ATP2B2: variants seen among roughly 807,000 people sequenced by gnomAD.
The protein encoded by ATP2B2 is ATPase plasma membrane Ca2+ transporting 2.
Under a neutral mutation model 120.0 loss-of-function variants are expected in ATP2B2, and 15 were observed. That is an observed-to-expected ratio of 0.12 (90% CI 0.08 to 0.19). The LOEUF is 0.19. Among genes scored for constraint, ATP2B2 ranks in the 10% least tolerant of loss-of-function variants. The pLI is 1.00. For synonymous variants in ATP2B2, 694 were observed against 700.3 expected (o/e 0.99, Z 0.14); for missense variants, 1,045 against 1,719.8 (o/e 0.61, Z 6.94).
At chr3:10,707,180 G>T (rs1425539745) in intron 1 of ATP2B2, among the ~76,000 whole-genome samples, 1 of 152,198 alleles carries the variant, frequency 6.6e-6, no homozygotes, top group Non-Finnish European at 1.5e-5. Context: ...CTTAGGCACT[G>T]GGCTGAAAAA....
chr3:10,376,879 A>G (rs3774167), intron 10 of ATP2B2, among the ~76,000 whole-genome samples: 41,940 of 152,126 alleles, frequency 0.28, 7,332 homozygotes, highest in East Asian at 0.66. Context: ...GGGTTGCTCC[A>G]GAGCTCCCAT....
intron 3 of ATP2B2, among the ~76,000 whole-genome samples, chr3:10,521,338 G>C (rs2066981065): frequency 6.6e-6 from 1 of 152,230 alleles, no homozygotes; most frequent in Non-Finnish European, 1.5e-5. Context: ...ACAGTGAAGA[G>C]TTTGCAGGCT....
chr3:10,687,829 C>T (rs1200739457), intron 1 of ATP2B2, among the ~76,000 whole-genome samples: 5 of 152,212 alleles, frequency 3.3e-5, no homozygotes, highest in South Asian at 4.2e-4. Context: ...CCACCGCACT[C>T]CAGCCTGGGT....
chr3:10,634,198 C>G (rs1032159096), intron 1 of ATP2B2, among the ~76,000 whole-genome samples: 3 of 152,174 alleles, frequency 2.0e-5, no homozygotes, highest in Non-Finnish European at 4.4e-5. Flanking sequence ...GTGCTTATTA[C>G]TTTATTACTT....
At chr3:10,525,038 G>A (rs183958322) in intron 3 of ATP2B2, among the ~76,000 whole-genome samples, 6 of 152,306 alleles carry the variant, frequency 3.9e-5, no homozygotes, top group Non-Finnish European at 8.8e-5. Context: ...TCTCAGAACA[G>A]GAGCTACCTA....
At chr3:10,391,654 T>C (rs1229278717) in intron 5 of ATP2B2, among the ~76,000 whole-genome samples, 7 of 152,092 alleles carry the variant, frequency 4.6e-5, no homozygotes, top group Admixed American at 4.6e-4. Flanking sequence ...CCCCAGGGTG[T>C]CCTCCAGAGC....
At chr3:10,594,720 AATAAT>A (rs2068723815) in intron 2 of ATP2B2, among the ~76,000 whole-genome samples, 1 of 26,398 alleles carries the variant, frequency 3.8e-5, no homozygotes, top group African/African-American at 9.3e-5. Context: ...GTATAATAAT[AATAAT>A]AATAATAATA....
rs1219420527 is a variant in ATP2B2, at chr3:10,355,811, C to T, written c.2136+2880G>A. On this transcript the variant is annotated intron_variant, in intron 14 of 22. Transcript: ENST00000360273. ...CTTTCCGGCCGGGCGCGGTGGCTCA[C>T]GCCTGTAATCCCAGCACTTTGGGAG... is the stretch of plus-strand genomic sequence containing the variant. Among the ~76,000 whole-genome samples, 5 of 25,340 alleles carry T rather than the reference C, an allele frequency of 2.0e-4. 2 individuals carry two copies. The highest frequency in any genetic ancestry group is 6.4e-4 in the African/African-American group (5 of 7,788). 16.6% of individuals were successfully genotyped at this position (25,340 alleles called of 152,430 possible).
chr3:10,462,079 C>T (rs993835689), intron 1 of ATP2B2, among the ~76,000 whole-genome samples: 2 of 152,162 alleles, frequency 1.3e-5, no homozygotes, highest in Non-Finnish European at 2.9e-5. Context: ...TTGCCTCTCC[C>T]TGGGCAATGA....
At position 10,503,996 on chromosome 3, in the gene ATP2B2, C is replaced by T. The variant is rs569321398; in HGVS notation, c.-320+1469G>A. On this transcript the variant is annotated intron_variant, in intron 1 of 22. Coordinates refer to ENST00000360273, the MANE Select transcript of ATP2B2 (RefSeq NM_001001331.4). ...ACAGGTGCTGGGGTGTGGGCATGGG[C>T]ATTCCATATGTGTATATATGATTTG... 3.9e-5 allele frequency among the ~76,000 whole-genome samples: 6 copies of T among 152,286 alleles called. No individual in the cohort carries two copies. In the East Asian group the frequency reaches 1.2e-3, roughly 29 times the overall value.
At position 10,695,257 on chromosome 3, in the gene ATP2B2, A is replaced by G. The variant is rs865937086; in HGVS notation, c.-460+12658T>C. 1.7e-3 allele frequency among the ~76,000 whole-genome samples: 164 copies of G among 97,428 alleles called. 2 individuals are homozygous for G. Among genetic ancestry groups the G allele is most frequent in the African/African-American group, 9.6e-3 (138 of 14,380 alleles). The allele number at this position is 97,428 out of a possible 152,430, so 63.9% of individuals were successfully genotyped here. A position where few individuals can be genotyped will look rare whatever the true frequency, so the allele number is the denominator to read the frequency against. On this transcript the variant is annotated intron_variant, in intron 1 of 21. Coordinates refer to the ATP2B2 transcript ENST00000646379. ...AGGCAAAGGAGGGAGGGAGGGAGAGAGAGAGAGAGAGAGAGAGAGAGAGAG... is the reference window on the plus strand; with the variant it reads ...AGGCAAAGGAGGGAGGGAGGGAGAGGGAGAGAGAGAGAGAGAGAGAGAGAG...
intron 1 of ATP2B2, among the ~76,000 whole-genome samples, chr3:10,653,792 C>T (rs1391868187): frequency 3.9e-5 from 6 of 152,154 alleles, no homozygotes; most frequent in Non-Finnish European, 5.9e-5. Flanking sequence ...TTACTATAGC[C>T]TACGATATCC....
upstream of ATP2B2, among the ~76,000 whole-genome samples, chr3:10,508,044 C>T (rs546540420): frequency 1.2e-4 from 18 of 152,238 alleles, no homozygotes; most frequent in Admixed American, 2.0e-4. Context: ...CTCTCACCAA[C>T]GCACACTAGC....
intron 1 of ATP2B2, among the ~76,000 whole-genome samples, chr3:10,496,288 T>C (rs1160358248): frequency 6.6e-6 from 1 of 152,156 alleles, no homozygotes; most frequent in East Asian, 1.9e-4. Context: ...TCCTTACCGG[T>C]CTGCAGCTTC....
At chr3:10,377,705 C>A (rs1431156259) in intron 10 of ATP2B2, among the ~76,000 whole-genome samples, 1 of 152,240 alleles carries the variant, frequency 6.6e-6, no homozygotes, top group Non-Finnish European at 1.5e-5. Context: ...TTCCTCTGCA[C>A]TGTGGCCAGG....
chr3:10,381,401 G>C (rs2061526401), intron 8 of ATP2B2, among the ~76,000 whole-genome samples: 1 of 152,326 alleles, frequency 6.6e-6, no homozygotes, highest in South Asian at 2.1e-4. Context: ...GTTTTAGAAG[G>C]CTCAAAGGGG....
intron 1 of ATP2B2, among the ~76,000 whole-genome samples, chr3:10,471,717 T>C (rs990320482): frequency 6.6e-6 from 1 of 152,140 alleles, no homozygotes; most frequent in African/African-American, 2.4e-5. Flanking sequence ...CCACATTGTG[T>C]GTGTCTGTAT....
intron 1 of ATP2B2, among the ~76,000 whole-genome samples, chr3:10,683,760 G>GTGTATGTGTATATA (rs1446781892): frequency 1.9e-5 from 1 of 53,888 alleles, no homozygotes; most frequent in African/African-American, 5.6e-5. Context: ...GTGTGTGTGT[G>GTGTATGTGTATATA]TATATATATA....
Position 10,402,148 on chromosome 3 carries a change from C to A in ATP2B2, c.598G>T (p.Val200Leu). 1.9e-6 allele frequency: 3 copies of A among 1,614,244 alleles called. No homozygotes were observed. The highest frequency in any genetic ancestry group is 1.7e-6 in the Non-Finnish European group (2 of 1,180,054). ...ATCTCAGCCACAGGGATCTGGACCA[C>A]CTGGCCAGCCCGGACCACGGTAAAT... ...QKFTVVRAGQ[V>L]VQIPVAEIVV... The change falls in exon 4 of 23, where the codon GTG becomes TTG. Residue 200 changes from valine to leucine, a missense_variant. Val to Leu is a conservative substitution (Grantham distance 32). This residue lies in a region of ATP2B2 where 35 missense variants were observed against 29.9 expected (regional missense o/e 1.17). Coordinates refer to ENST00000360273, the MANE Select transcript of ATP2B2 (RefSeq NM_001001331.4). The surrounding 1 kb of genome is among the most constrained non-coding windows in gnomAD (Gnocchi z 4.9).
Sources: gnomAD v4.1 joint callset for allele counts (sites outside exome capture counted in the v4.1 genomes callset) on GRCh38, gnomAD v4.1.1 for gene constraint, gnomAD v4.1.1 regional missense constraint, Gnocchi (gnomAD v3.1) non-coding constraint, MANE v1.5 for transcripts, NCBI Gene and HGNC (gene_info 2026-07-23, HGNC 2026-07-21) for gene names.